Variants in THSD4 observed in about 807,000 individuals in gnomAD.
THSD4 encodes thrombospondin type 1 domain containing 4.
THSD4 carries 69 observed loss-of-function variants against 119.0 expected under a neutral mutation model. The observed-to-expected ratio is 0.58, with a 90% CI of 0.48 to 0.71. The LOEUF is 0.71. Ranked by LOEUF, THSD4 falls within the 30% of genes least tolerant of loss-of-function variation. The pLI is 0.00. For missense variants in THSD4, 1,393 were observed against 1,391.1 expected, an observed-to-expected ratio of 1.00 and a Z score of -0.02; for synonymous variants, 524 against 540.4, an observed-to-expected ratio of 0.97 and a Z score of 0.42.
chr15:71,181,501 C>G (rs147057087), intron 3 of THSD4, among the ~76,000 whole-genome samples: 2 of 152,276 alleles, frequency 1.3e-5, no homozygotes, highest in African/African-American at 2.4e-5. Flanking sequence ...TTAGCCTCTT[C>G]TTTGTTTAGG....
At chr15:71,369,348 C>T (rs1294244899) in intron 6 of THSD4, among the ~76,000 whole-genome samples, 2 of 152,166 alleles carry the variant, frequency 1.3e-5, no homozygotes, top group Non-Finnish European at 2.9e-5. Flanking sequence ...GAGGGCATCC[C>T]TGTCTTGTGC....
chr15:71,578,249 C>A (rs1271654693), intron 7 of THSD4, among the ~76,000 whole-genome samples: 1 of 151,214 alleles, frequency 6.6e-6, no homozygotes, highest in East Asian at 1.9e-4. Context: ...ATCTTGTAAG[C>A]GGCAGTGTAG....
intron 7 of THSD4, among the ~76,000 whole-genome samples, chr15:71,424,542 C>A (rs1296584659): frequency 6.6e-6 from 1 of 152,120 alleles, no homozygotes; most frequent in Non-Finnish European, 1.5e-5. Context: ...TGCAGAGATT[C>A]TCCCTCCCTC....
At chr15:71,367,573 G>A (rs2045982274) in intron 6 of THSD4, among the ~76,000 whole-genome samples, 2 of 152,078 alleles carry the variant, frequency 1.3e-5, no homozygotes, top group South Asian at 4.1e-4. Context: ...TGAGAATGAT[G>A]GTTTCCAGCT....
intron 6 of THSD4, among the ~76,000 whole-genome samples, chr15:71,356,099 C>T (rs1394947529): frequency 6.6e-6 from 1 of 152,086 alleles, no homozygotes; most frequent in Non-Finnish European, 1.5e-5. Context: ...AACTCCTGAC[C>T]CCAAGGGATC....
chr15:71,422,103 AT>A (rs1204671881), intron 7 of THSD4, among the ~76,000 whole-genome samples: 4 of 152,096 alleles, frequency 2.6e-5, no homozygotes, highest in Non-Finnish European at 5.9e-5. Flanking sequence ...GCTATTTTGA[AT>A]TTCCTGACTG....
chr15:71,672,666 G>C (rs1372933201), intron 8 of THSD4, among the ~76,000 whole-genome samples: 1 of 152,152 alleles, frequency 6.6e-6, no homozygotes, highest in Non-Finnish European at 1.5e-5. Flanking sequence ...CATTCCATCA[G>C]TACCTAGTTT....
intron 8 of THSD4, among the ~76,000 whole-genome samples, chr15:71,667,064 A>T (rs2051430929): frequency 6.6e-6 from 1 of 152,232 alleles, no homozygotes; most frequent in African/African-American, 2.4e-5. Flanking sequence ...TTATACACCA[A>T]TGAAACTCTG....
intron 7 of THSD4, among the ~76,000 whole-genome samples, chr15:71,548,270 C>T (rs1045465790): frequency 1.3e-5 from 2 of 152,300 alleles, no homozygotes; most frequent in East Asian, 1.9e-4. Flanking sequence ...TCCCTCCTTA[C>T]CCTGATGCCT....
rs557376755 is a variant in THSD4, at chr15:71,372,093, C to T, written c.1016-39594C>T. ...AATTGGTTACTGAAGCTTGTGCATT[C>T]GTCACGTAGTTCTTGTGCCATGGTT... On this transcript the variant is annotated intron_variant, in intron 6 of 17. Coordinates refer to ENST00000261862, the MANE Select transcript of THSD4 (RefSeq NM_024817.3). Among the ~76,000 whole-genome samples the T allele has an allele frequency of 2.6e-3, 392 of 152,334 alleles. 1 individual carries two copies. Among genetic ancestry groups the T allele is most frequent in the Middle Eastern group, 6.8e-3 (2 of 294 alleles).
At chr15:71,563,336 GTA>G (rs769025092) in intron 7 of THSD4, among the ~76,000 whole-genome samples, 9 of 152,136 alleles carry the variant, frequency 5.9e-5, no homozygotes, top group Admixed American at 2.0e-4. Context: ...GACTCTGTTA[GTA>G]CCCTGAAGGC....
chr15:71,344,279 G>A lies in THSD4; in HGVS notation c.1016-67408G>A, dbSNP rs183161531. Reference sequence around the variant, plus strand: ...AGTATGGTCTCGATCTCCTGACCTCGTGATCCACCCGCCTCGGCCCCCCAA... The same window carrying A: ...AGTATGGTCTCGATCTCCTGACCTCATGATCCACCCGCCTCGGCCCCCCAA... On this transcript the variant is annotated intron_variant, in intron 6 of 17. Coordinates refer to ENST00000261862, the MANE Select transcript of THSD4 (RefSeq NM_024817.3). 4.1e-3 allele frequency among the ~76,000 whole-genome samples: 619 copies of A among 151,820 alleles called. 17 individuals are homozygous for A. Among genetic ancestry groups the A allele is most frequent in the Non-Finnish European group, 1.3e-3 (89 of 67,924 alleles).
intron 2 of THSD4, among the ~76,000 whole-genome samples, chr15:71,152,340 T>A (rs2141380953): frequency 6.6e-6 from 1 of 151,508 alleles, no homozygotes; most frequent in East Asian, 1.9e-4. Context: ...GAGAATCACT[T>A]GAGCCCGGGA....
At chr15:71,542,582 A>G (rs1238441972) in intron 7 of THSD4, among the ~76,000 whole-genome samples, 1 of 152,126 alleles carries the variant, frequency 6.6e-6, no homozygotes, top group African/African-American at 2.4e-5. Flanking sequence ...AAAACGTTAG[A>G]AAAAAACAAA....
chr15:71,261,736 A>AAATCAGT (rs1474721615), intron 6 of THSD4, among the ~76,000 whole-genome samples: 1 of 152,218 alleles, frequency 6.6e-6, no homozygotes, highest in Non-Finnish European at 1.5e-5. Flanking sequence ...CTTTACTGGA[A>AAATCAGT]GCCACTGAGA....
intron 7 of THSD4, among the ~76,000 whole-genome samples, chr15:71,438,541 T>C (rs916194722): frequency 6.6e-6 from 1 of 152,234 alleles, no homozygotes; most frequent in African/African-American, 2.4e-5. Context: ...GTGTATCGTG[T>C]GAGGTATGGG....
intron 5 of THSD4, among the ~76,000 whole-genome samples, chr15:71,248,823 A>G (rs1191609987): frequency 6.6e-6 from 1 of 152,198 alleles, no homozygotes; most frequent in African/African-American, 2.4e-5. Flanking sequence ...AAGAGGAGCT[A>G]ATAACTTCCT....
intron 7 of THSD4, among the ~76,000 whole-genome samples, chr15:71,551,879 C>T (rs951995074): frequency 3.3e-5 from 5 of 152,128 alleles, no homozygotes; most frequent in East Asian, 1.9e-4. Context: ...ACAGTAGAGG[C>T]GCAGCAAGCA....
chr15:71,424,389 A>G (rs2046844041), intron 7 of THSD4, among the ~76,000 whole-genome samples: 1 of 152,088 alleles, frequency 6.6e-6, no homozygotes. Context: ...GTGCAGGGTG[A>G]TACTCCATTT....
Sources: allele counts gnomAD v4.1 joint callset (sites outside exome capture counted in the v4.1 genomes callset), GRCh38; gene constraint gnomAD v4.1.1; transcripts MANE v1.5; gene names NCBI Gene and HGNC (gene_info 2026-07-23, HGNC 2026-07-21).